Variants in DMD observed in about 807,000 individuals in gnomAD.
The protein encoded by DMD is mutant dystrophin.
DMD carries 63 observed loss-of-function variants against 330.1 expected under a neutral mutation model. The observed-to-expected ratio is 0.19, with a 90% confidence interval of 0.16 to 0.24. The LOEUF (loss-of-function observed/expected upper bound fraction) is 0.24, where lower values mean the gene tolerates loss of function less well. Among genes scored for constraint, DMD ranks in the 10% least tolerant of loss-of-function variants. The probability of loss-of-function intolerance (pLI) is 1.00; values close to 1 mark genes in which losing one functional copy is unlikely to be tolerated. For synonymous variants in DMD, 1,223 were observed against 959.8 expected (o/e 1.27, Z -5.07); for missense variants, 3,344 against 2,684.1 (o/e 1.25, Z -5.43).
At chrX:31,715,973 A>T (rs1165814372) in intron 52 of DMD, among the ~76,000 whole-genome samples, 1 of 112,083 alleles carries the variant, frequency 8.9e-6, no homozygotes, top group Admixed American at 9.5e-5. Context: ...ATCAGTAAGT[A>T]TTTATGGCAT....
At chrX:32,926,137 C>T (rs60497016) in intron 2 of DMD, among the ~76,000 whole-genome samples, 35,988 of 110,857 alleles carry the variant, frequency 0.32, 4,364 homozygotes, top group East Asian at 0.59. Context: ...AGAAAATCTA[C>T]CATTTGTGAC....
At chrX:32,820,127 A>C (rs956429588) in intron 5 of DMD, among the ~76,000 whole-genome samples, 5 of 112,269 alleles carry the variant, frequency 4.5e-5, no homozygotes, top group Admixed American at 2.8e-4. Context: ...CTCATTGCAA[A>C]AGCGCCTCCA....
At chrX:32,676,469 T>A (rs1273605421) in intron 9 of DMD, among the ~76,000 whole-genome samples, 1 of 111,612 alleles carries the variant, frequency 9.0e-6, no homozygotes, top group African/African-American at 3.2e-5. Context: ...CACCATACCC[T>A]ATTTTTCTCA....
intron 49 of DMD, 63 bp from the exon 50 acceptor site, chrX:31,820,146 T>C (rs2092721041): frequency 1.1e-6 from 1 of 922,259 alleles, no homozygotes; most frequent in Non-Finnish European, 1.6e-6. Context: ...TTCATGAACA[T>C]CTTAATCCAT....
chrX:33,024,637 T>A (rs2093966331), intron 1 of DMD, among the ~76,000 whole-genome samples: 1 of 111,975 alleles, frequency 8.9e-6, no homozygotes, highest in African/African-American at 3.2e-5. Flanking sequence ...CAATGAACTT[T>A]TACCCTGTTA....
intron 44 of DMD, among the ~76,000 whole-genome samples, chrX:32,037,153 T>C (rs542401945): frequency 8.9e-6 from 1 of 112,246 alleles, no homozygotes; most frequent in East Asian, 2.8e-4. Context: ...TCAAGGGTTG[T>C]TTTAATGATT....
chrX:31,708,862 C>T (rs995428474), intron 52 of DMD, among the ~76,000 whole-genome samples: 1 of 112,286 alleles, frequency 8.9e-6, no homozygotes, highest in Non-Finnish European at 1.9e-5. Context: ...TTATCTTCTG[C>T]TTTCTCTCTC....
rs767711331 is a variant in DMD, at chrX:31,380,326, T to C, written c.9085-31692A>G. Among the ~76,000 whole-genome samples the C allele has an allele frequency of 3.6e-5, 4 of 110,316 alleles. No individual in the cohort carries two copies. The South Asian group carries it at 1.6e-3, about 44-fold the overall frequency. On this transcript the variant is annotated intron_variant, in intron 60 of 78. Coordinates refer to ENST00000357033, the MANE Select transcript of DMD (RefSeq NM_004006.3). ...ATTCCTAGGCTAGAGCCACACCTCA[T>C]TGCCGCCTTTTCCCCCAGTTCAAAG...
intron 12 of DMD, among the ~76,000 whole-genome samples, chrX:32,612,393 G>T (rs1209451379): frequency 2.7e-5 from 3 of 111,609 alleles, no homozygotes; most frequent in Non-Finnish European, 5.7e-5. Context: ...CCATGACCCA[G>T]GATGGCTTTC....
At chrX:32,605,525 A>G (rs1017436104) in intron 12 of DMD, among the ~76,000 whole-genome samples, 1 of 110,840 alleles carries the variant, frequency 9.0e-6, no homozygotes, top group African/African-American at 3.3e-5. Context: ...CTCAAAAACA[A>G]AAGTAGACAA....
chrX:31,237,709 TA>T (rs770787616), intron 63 of DMD, among the ~76,000 whole-genome samples: 1 of 111,421 alleles, frequency 9.0e-6, no homozygotes, highest in East Asian at 2.8e-4. Context: ...TCCGGGAAAA[TA>T]CTCTTTTTAT....
chrX:32,366,999 G>A (rs1040293884), intron 34 of DMD, among the ~76,000 whole-genome samples: 1 of 111,904 alleles, frequency 8.9e-6, no homozygotes, highest in Non-Finnish European at 1.9e-5. Flanking sequence ...ATTCATAAAA[G>A]CAATTTCTTC....
intron 33 of DMD, among the ~76,000 whole-genome samples, chrX:32,382,475 A>G (rs972056304): frequency 4.5e-5 from 5 of 111,729 alleles, no homozygotes; most frequent in Non-Finnish European, 7.6e-5. Context: ...CTACAATCGA[A>G]ATAAATATTC....
chrX:32,321,489 G>T (rs1017615045), intron 41 of DMD, among the ~76,000 whole-genome samples: 1 of 111,327 alleles, frequency 9.0e-6, no homozygotes, highest in African/African-American at 3.3e-5. Context: ...GACTTAAGAA[G>T]GGGGTCAGTA....
chrX:32,310,206 G>C lies in DMD; in HGVS notation c.5993C>G (p.Ser1998Cys). 8.3e-7 allele frequency: 1 copy of C among 1,209,043 alleles called. No individual in the cohort carries two copies. The highest frequency in any genetic ancestry group is 1.1e-6 in the Non-Finnish European group (1 of 893,568). Residue 1998 changes from serine (S) to cysteine (C), a missense_variant, in exon 42 of 79, where the codon TCT (serine) becomes TGT (cysteine). By Grantham distance (112) the Ser-to-Cys change is moderately radical. Transcript: ENST00000357033. ...DMPLEISYVPSTYLTEITHVS... is the reference protein window; with the variant it reads ...DMPLEISYVPCTYLTEITHVS... ...ATGAGTGATTTCAGTCAAATAAGTA[G>C]AAGGCACATAAGAAATTTCCAAAGG...
chrX:31,644,883 C>T (rs2079992827), intron 54 of DMD, among the ~76,000 whole-genome samples: 1 of 111,829 alleles, frequency 8.9e-6, no homozygotes, highest in Non-Finnish European at 1.9e-5. Flanking sequence ...GGTTTACTCA[C>T]ACACACCAAG....
rs759483714 is a variant in DMD at position 31,750,216 on chromosome X, G to C, written c.7543-20468C>G. On this transcript the variant is annotated intron_variant, in intron 51 of 78. Transcript: ENST00000357033. ...TTGGTGTTTTAGACATGAAGTCCTTGCCCATGCCTATGTCCTGAATGGTAA... is the reference window on the plus strand; with the variant it reads ...TTGGTGTTTTAGACATGAAGTCCTTCCCCATGCCTATGTCCTGAATGGTAA... Among the ~76,000 whole-genome samples the C allele has an allele frequency of 1.3e-3, 140 of 108,799 alleles. 3 individuals carry two copies. Among genetic ancestry groups the C allele is most frequent in the African/African-American group, 4.5e-3 (135 of 29,903 alleles). The allele number at this position is 108,799 out of a possible 115,157, so 94.5% of individuals were successfully genotyped here.
intron 61 of DMD, among the ~76,000 whole-genome samples, chrX:31,329,948 CG>C (rs1331829294): frequency 1.3e-5 from 1 of 77,623 alleles, no homozygotes; most frequent in Non-Finnish European, 2.2e-5. Flanking sequence ...TCCAGCCTGG[CG>C]ACAGAGCAAG....
intron 44 of DMD, among the ~76,000 whole-genome samples, chrX:32,030,558 A>ACACTT (rs755561891): frequency 7.1e-5 from 8 of 112,016 alleles, no homozygotes; most frequent in Non-Finnish European, 1.5e-4. Context: ...TGTGAATCTT[A>ACACTT]CACTTCAAGT....
Sources: allele counts gnomAD v4.1 joint callset (sites outside exome capture counted in the v4.1 genomes callset), GRCh38; gene constraint gnomAD v4.1.1; transcripts MANE v1.5; gene names NCBI Gene and HGNC (gene_info 2026-07-23, HGNC 2026-07-21).